Variants in ISM1 observed in about 807,000 individuals in gnomAD.
ISM1 encodes the protein isthmin 1, also known as isthmin-1.
In ISM1, 25 loss-of-function variants were observed where a neutral mutation model predicts 46.3. The ratio of observed to expected loss-of-function variants is 0.54; its 90% confidence interval spans 0.39 to 0.75. The LOEUF (loss-of-function observed/expected upper bound fraction) is 0.75, where lower values mean the gene tolerates loss of function less well. ISM1 is among the 30% of genes least tolerant of loss of function. The pLI is 0.00. For synonymous variants in ISM1, 255 were observed against 256.7 expected, an observed-to-expected ratio of 0.99 and a Z score of 0.06; for missense variants, 536 against 625.4, an observed-to-expected ratio of 0.86 and a Z score of 1.52.
the ISM1 span, among the ~76,000 whole-genome samples, chr20:13,310,486 G>A: frequency 6.6e-6 from 1 of 151,770 alleles, no homozygotes; most frequent in Non-Finnish European, 1.5e-5. Flanking sequence ...AAGGAAACAG[G>A]AAAAAAAATG....
chr20:13,221,747 C>G lies in ISM1; in HGVS notation c.-30C>G. On this transcript the variant is annotated 5_prime_UTR_variant, in exon 1 of 6. Coordinates refer to ENST00000262487, the MANE Select transcript of ISM1 (RefSeq NM_080826.2). ...ACCGCCGCCGCCGCCGGCCGCCGCG[C>G]CGGGTCCTAAAGCCGCGCGTCTCAA... 7.3e-7 allele frequency: 1 copy of G among 1,371,458 alleles called. No homozygotes were observed. Among genetic ancestry groups the G allele is most frequent in the Non-Finnish European group, 9.4e-7 (1 of 1,065,752 alleles). The allele number at this position is 1,371,458 out of a possible 1,614,324, so 85.0% of individuals were successfully genotyped here.
intron 3 of ISM1, among the ~76,000 whole-genome samples, chr20:13,282,773 AG>A (rs1267221006): frequency 2.0e-5 from 3 of 152,216 alleles, no homozygotes; most frequent in African/African-American, 7.2e-5. Flanking sequence ...GCACATGAAT[AG>A]CCCCGGGCCT....
intron 1 of ISM1, chr20:13,244,018 A>G (rs566744562): frequency 6.6e-6 from 1 of 152,348 alleles, no homozygotes; most frequent in South Asian, 2.1e-4. Context: ...CCACATCTCC[A>G]GTGTAGGCAC....
intron 1 of ISM1, among the ~76,000 whole-genome samples, chr20:13,238,440 T>C (rs1458832488): frequency 1.3e-5 from 2 of 152,044 alleles, no homozygotes; most frequent in African/African-American, 2.4e-5. Context: ...TTCAGTAGGG[T>C]AAACATTTTT....
chr20:13,231,047 A>G (rs1005110012), intron 1 of ISM1, among the ~76,000 whole-genome samples: 2 of 152,120 alleles, frequency 1.3e-5, no homozygotes, highest in African/African-American at 4.8e-5. Flanking sequence ...TTCGCCTACC[A>G]GAGATTTCTG....
At chr20:13,272,613 C>T (rs34980261) in intron 2 of ISM1, among the ~76,000 whole-genome samples, 21,643 of 152,168 alleles carry the variant, frequency 0.14, 1,604 homozygotes, top group East Asian at 0.21. Flanking sequence ...ACAACCCATG[C>T]ACAGAAATCA....
Position 13,298,976 on chromosome 20 carries a change from A to G in ISM1, c.912A>G (p.Lys304=). The change falls in exon 6 of 6, where the codon AAA becomes AAG. Residue 304 remains lysine, a synonymous_variant. Transcript: ENST00000262487. ...TDSCERWMSC[K]SEFLKKYMHK... is the part of the protein sequence containing the mutation. ...GCTGTGAGCGCTGGATGAGCTGCAA[A>G]AGCGAGTTCTTAAAGAAGTACATGC... The G allele has an allele frequency of 6.2e-7, 1 of 1,613,620 alleles. No individual in the cohort carries two copies. Among genetic ancestry groups the G allele is most frequent in the Non-Finnish European group, 8.5e-7 (1 of 1,179,766 alleles).
At chr20:13,298,333 C>T (rs1346714351) in intron 5 of ISM1, among the ~76,000 whole-genome samples, 1 of 152,120 alleles carries the variant, frequency 6.6e-6, no homozygotes, top group Non-Finnish European at 1.5e-5. Context: ...TCTTAAACTC[C>T]TGACCTCAGT....
rs1401111162 is a variant in ISM1 at position 13,300,220 on chromosome 20, T to A, written c.*761T>A. 6.6e-6 allele frequency: 1 copy of A among 152,070 alleles called. No individual in the cohort carries two copies. The highest frequency in any genetic ancestry group is 1.5e-5 in the Non-Finnish European group (1 of 68,038). 9.4% of individuals were successfully genotyped at this position (152,070 alleles called of 1,614,324 possible). The stretch of plus-strand genomic sequence containing the variant: ...ATTCTGCTAAACGGCCCCAAAACAG[T>A]AGAATTTCTGCTCATGTCCTAGCAG... On this transcript the variant is annotated 3_prime_UTR_variant, in exon 6 of 6. Coordinates refer to ENST00000262487, the MANE Select transcript of ISM1 (RefSeq NM_080826.2).
rs1199374878 is a variant in ISM1 at position 13,299,774 on chromosome 20, T to C, written c.*315T>C. 3.8e-6 allele frequency: 1 copy of C among 265,352 alleles called. No individual in the cohort carries two copies. Among genetic ancestry groups the C allele is most frequent in the African/African-American group, 2.1e-5 (1 of 46,750 alleles). The allele number at this position is 265,352 out of a possible 1,614,324, so 16.4% of individuals were successfully genotyped here. On this transcript the variant is annotated 3_prime_UTR_variant, in exon 6 of 6. Coordinates refer to ENST00000262487, the MANE Select transcript of ISM1 (RefSeq NM_080826.2). The surrounding 1 kb of genome is among the most constrained non-coding windows in gnomAD (Gnocchi z 5.8). ...GGGTGCGACTCAATTCACACCCGGA[T>C]CCAGAGTTTCAAAGAGAGGCAAAGG...
intron 1 of ISM1, among the ~76,000 whole-genome samples, chr20:13,237,381 C>T (rs1441475872): frequency 3.3e-5 from 5 of 152,198 alleles, no homozygotes; most frequent in Admixed American, 2.0e-4. Flanking sequence ...GTTAAGTGTA[C>T]ACAGTGGGAA....
At chr20:13,292,549 C>T (rs770005618) in intron 5 of ISM1, 86 bp downstream of exon 5, 45 of 819,120 alleles carry the variant, frequency 5.5e-5, no homozygotes, top group East Asian at 2.7e-4. Context: ...CTTGGATCCA[C>T]GTAAATGTTT....
At chr20:13,248,899 A>G (rs1425206206) in intron 1 of ISM1, among the ~76,000 whole-genome samples, 3 of 152,248 alleles carry the variant, frequency 2.0e-5, no homozygotes, top group African/African-American at 7.2e-5. Context: ...AGGTGAAAGT[A>G]TATGATGTAA....
At chr20:13,249,907 C>G (rs1162920001) in intron 1 of ISM1, among the ~76,000 whole-genome samples, 4 of 151,924 alleles carry the variant, frequency 2.6e-5, no homozygotes, top group Non-Finnish European at 5.9e-5. Flanking sequence ...TTCTCATTTG[C>G]AAAAATTGCT....
At chr20:13,322,318 T>C in the ISM1 span, among the ~76,000 whole-genome samples, 8 of 152,196 alleles carry the variant, frequency 5.3e-5, no homozygotes, top group South Asian at 1.7e-3. Flanking sequence ...CTTAAAGAGA[T>C]ACGGGTTGTT....
chr20:13,321,251 C>CAAAAAAAAAAAAAAAAAAAAA, the ISM1 span, among the ~76,000 whole-genome samples: 3 of 23,710 alleles, frequency 1.3e-4, no homozygotes, highest in Non-Finnish European at 1.4e-4. Flanking sequence ...ATGTGCCCCA[C>CAAAAAAAAAAAAAAAAAAAAA]ATAAAAAAAA....
chr20:13,323,223 T>C, the ISM1 span, among the ~76,000 whole-genome samples: 3 of 152,078 alleles, frequency 2.0e-5, no homozygotes, highest in African/African-American at 4.8e-5. Flanking sequence ...TATGTCCTTG[T>C]AAAGCAGGAG....
intron 1 of ISM1, among the ~76,000 whole-genome samples, chr20:13,268,190 A>C (rs6131459): frequency 1.9e-4 from 22 of 115,330 alleles, no homozygotes; most frequent in African/African-American, 6.3e-4. Context: ...TCTTCTCTTC[A>C]CTTCGCTTCT....
At chr20:13,263,423 C>T (rs982220975) in intron 1 of ISM1, among the ~76,000 whole-genome samples, 1 of 152,024 alleles carries the variant, frequency 6.6e-6, no homozygotes, top group African/African-American at 2.4e-5. Context: ...TCTAGAAAGC[C>T]GATTTTATGG....
Sources: allele counts gnomAD v4.1 joint callset (sites outside exome capture counted in the v4.1 genomes callset), GRCh38; gene constraint gnomAD v4.1.1; non-coding constraint Gnocchi (gnomAD v3.1); transcripts MANE v1.5; gene names NCBI Gene and HGNC (gene_info 2026-07-23, HGNC 2026-07-21).